Variants in MECR observed in about 807,000 individuals in gnomAD.
MECR encodes the protein enoyl-[acyl-carrier-protein] reductase, mitochondrial.
A neutral mutation model predicts 49.1 loss-of-function variants in MECR; 37 were observed. The observed-to-expected ratio is 0.75, with a 90% CI of 0.58 to 0.99. The LOEUF is 0.99. Among genes scored for constraint, MECR ranks in the 50% least tolerant of loss-of-function variants. MECR has a pLI of 0.00. For missense variants in MECR, 470 were observed against 479.6 expected (o/e 0.98, Z 0.19); for synonymous variants, 198 against 191.1 (o/e 1.04, Z -0.30).
Position 29,203,235 on chromosome 1 carries a change from T to C in MECR, c.551-2A>G, listed in dbSNP as rs778124528. ...ATGCATTCTGGATGACAGAATCCCC[T>C]GTGGAGCCAGGAAGAGAACCAAATC... On this transcript the variant is annotated splice_acceptor_variant, in intron 4 of 9. Transcript: ENST00000263702. LOFTEE classifies it high-confidence loss of function. 1.9e-6 allele frequency: 3 copies of C among 1,571,924 alleles called. No homozygotes were observed. Among genetic ancestry groups the C allele is most frequent in the Non-Finnish European group, 2.6e-6 (3 of 1,154,512 alleles).
chr1:29,227,211 C>T (rs1682327215), intron 1 of MECR, among the ~76,000 whole-genome samples: 1 of 152,066 alleles, frequency 6.6e-6, no homozygotes, highest in African/African-American at 2.4e-5. Flanking sequence ...GATCCGCCCG[C>T]CTCGGCCTCC....
At chr1:29,197,405 G>A (rs1213035286) in intron 7 of MECR, among the ~76,000 whole-genome samples, 1 of 152,190 alleles carries the variant, frequency 6.6e-6, no homozygotes, top group Non-Finnish European at 1.5e-5. Context: ...CTCACTGCAG[G>A]AGGTGCCTTC....
chr1:29,221,081 T>G (rs1680655810), intron 1 of MECR: 1 of 173,942 alleles, frequency 5.7e-6, no homozygotes, highest in Non-Finnish European at 1.1e-5. Flanking sequence ...GCACCTGTAG[T>G]CCCAGCTACT....
chr1:29,198,487 T>A (rs1190784925), intron 7 of MECR, among the ~76,000 whole-genome samples: 1 of 152,224 alleles, frequency 6.6e-6, no homozygotes, highest in East Asian at 1.9e-4. Flanking sequence ...GACATTGGGA[T>A]TGAGGTCTGC....
At chr1:29,196,389 G>C (rs1674003469) in intron 7 of MECR, 131 bp from the exon 8 acceptor site, 6 of 817,104 alleles carry the variant, frequency 7.3e-6, no homozygotes, top group Non-Finnish European at 9.6e-6. Flanking sequence ...GGGAAAGGTT[G>C]AAAAATACAG....
At chr1:29,229,929 CAG>C (rs148119863) in intron 1 of MECR, among the ~76,000 whole-genome samples, 2,017 of 152,294 alleles carry the variant, frequency 0.013, 20 homozygotes, top group Middle Eastern at 0.082. Flanking sequence ...TAAGATCCAA[CAG>C]AATTTTAGGA....
chr1:29,172,406 C>T, the MECR span: 1 of 152,186 alleles, frequency 6.6e-6, no homozygotes, highest in Non-Finnish European at 1.5e-5. Flanking sequence ...GTTCTCCTGC[C>T]TCAGCCTCCC....
At position 29,206,778 on chromosome 1, in the gene MECR, G is replaced by C; in HGVS notation, c.534C>G (p.Phe178Leu). 6.2e-7 allele frequency: 1 copy of C among 1,614,068 alleles called. No individual in the cohort carries two copies. Among genetic ancestry groups the C allele is most frequent in the Non-Finnish European group, 8.5e-7 (1 of 1,179,968 alleles). Reference sequence around the variant, plus strand: ...GGTTCCTACCTGGCTGCAGTTGCTCGAAGTCCATCAACATCCTGTAGGCTG... The same window carrying C: ...GGTTCCTACCTGGCTGCAGTTGCTCCAAGTCCATCAACATCCTGTAGGCTG... ...PCTAYRMLMD[F>L]EQLQPGDSVI... The change falls in exon 4 of 10, where the codon TTC becomes TTG. Residue 178 changes from phenylalanine (F) to leucine (L), a missense_variant. Transcript: ENST00000263702.
At chr1:29,185,497 C>T in the MECR span, among the ~76,000 whole-genome samples, 1 of 152,144 alleles carries the variant, frequency 6.6e-6, no homozygotes, top group African/African-American at 2.4e-5. Context: ...CTCACTGCAA[C>T]CTCTGCCTCC....
chr1:29,229,406 C>T lies in MECR; in HGVS notation c.176+1325G>A, dbSNP rs896273819. 3.3e-5 allele frequency among the ~76,000 whole-genome samples: 5 copies of T among 152,176 alleles called. No homozygotes were observed. The South Asian group carries it at 8.3e-4, about 25-fold the overall frequency. ...TTTTAGTAGAGATGGGGTTTCGCCA[C>T]GTTGGCCAGGCTGGTCTAGAACTCG... On this transcript the variant is annotated intron_variant, in intron 1 of 9. Coordinates refer to ENST00000263702, the MANE Select transcript of MECR (RefSeq NM_016011.5).
chr1:29,213,338 G>C (rs916225115), intron 3 of MECR, among the ~76,000 whole-genome samples: 1 of 151,270 alleles, frequency 6.6e-6, no homozygotes, highest in Non-Finnish European at 1.5e-5. Context: ...AGACGGTGGA[G>C]CCATTCTTGG....
chr1:29,167,949 C>T, the MECR span, among the ~76,000 whole-genome samples: 1 of 151,428 alleles, frequency 6.6e-6, no homozygotes, highest in African/African-American at 2.4e-5. Context: ...AGTGAAGGAG[C>T]TAGATTTGAA....
chr1:29,196,900 G>C (rs1361693477), intron 7 of MECR, among the ~76,000 whole-genome samples: 1 of 152,126 alleles, frequency 6.6e-6, no homozygotes, highest in African/African-American at 2.4e-5. Context: ...CCCCACTCAG[G>C]AGGCTGAGGT....
downstream of MECR, among the ~76,000 whole-genome samples, chr1:29,189,261 G>A (rs773339449): frequency 2.1e-5 from 3 of 144,322 alleles, no homozygotes; most frequent in Non-Finnish European, 4.4e-5. Flanking sequence ...TAGTATAGAC[G>A]GGGTTTCACC....
the MECR span, among the ~76,000 whole-genome samples, chr1:29,177,439 G>A: frequency 6.6e-6 from 1 of 152,036 alleles, no homozygotes; most frequent in Non-Finnish European, 1.5e-5. Context: ...GTGCCACGAC[G>A]CCCGGCTAAC....
intron 1 of MECR, 163 bp from the exon 2 acceptor site, chr1:29,216,848 C>G (rs750873221): frequency 6.9e-7 from 1 of 1,442,176 alleles, no homozygotes; most frequent in African/African-American, 1.4e-5. Flanking sequence ...GAAATCAACA[C>G]AGGAGGCTGG....
At position 29,217,703 on chromosome 1, in the gene MECR, G is replaced by C. The variant is rs114936297; in HGVS notation, c.177-1018C>G. Among the ~76,000 whole-genome samples, 600 of 152,280 alleles carry C rather than the reference G, an allele frequency of 3.9e-3. 1 individual carries two copies. Among genetic ancestry groups the C allele is most frequent in the African/African-American group, 9.1e-3 (380 of 41,536 alleles). On this transcript the variant is annotated intron_variant, in intron 1 of 9. Transcript: ENST00000263702. ...ACCCCAAGTAGTTCTTACCAACCGG[G>C]GTATCTTGGAAATCCCAGGCTAGCT...
At chr1:29,218,026 T>G (rs1279470193) in intron 1 of MECR, among the ~76,000 whole-genome samples, 1 of 152,194 alleles carries the variant, frequency 6.6e-6, no homozygotes, top group Non-Finnish European at 1.5e-5. Context: ...TTTCTCCATT[T>G]GTAAAACAGA....
intron 3 of MECR, among the ~76,000 whole-genome samples, chr1:29,211,943 T>C (rs1365217889): frequency 6.6e-6 from 1 of 152,228 alleles, no homozygotes; most frequent in Non-Finnish European, 1.5e-5. Context: ...ACCTGTTTAA[T>C]AGTTGCCACT....
Sources: allele counts gnomAD v4.1 joint callset (sites outside exome capture counted in the v4.1 genomes callset), GRCh38; gene constraint gnomAD v4.1.1; transcripts MANE v1.5; gene names NCBI Gene and HGNC (gene_info 2026-07-23, HGNC 2026-07-21).